SAMD4A: variants seen among roughly 807,000 people sequenced by gnomAD.
SAMD4A encodes sterile alpha motif domain containing 4A.
Under a neutral mutation model 81.3 loss-of-function variants are expected in SAMD4A, and 33 were observed. That is an observed-to-expected ratio of 0.41 (90% CI 0.31 to 0.54). SAMD4A has a LOEUF of 0.54. Ranked by LOEUF, SAMD4A falls within the 20% of genes least tolerant of loss-of-function variation. The pLI is 0.37. For synonymous variants in SAMD4A, 389 were observed against 382.1 expected, an observed-to-expected ratio of 1.02 and a Z score of -0.21; for missense variants, 854 against 951.1, an observed-to-expected ratio of 0.90 and a Z score of 1.34.
intron 2 of SAMD4A, among the ~76,000 whole-genome samples, chr14:54,695,406 C>T (rs767440712): frequency 4.6e-5 from 7 of 152,238 alleles, no homozygotes; most frequent in Non-Finnish European, 7.3e-5. Flanking sequence ...CCTCCCCATA[C>T]AGGTCTCTCC....
chr14:54,728,896 C>T (rs534520398), intron 3 of SAMD4A, among the ~76,000 whole-genome samples: 2 of 152,168 alleles, frequency 1.3e-5, no homozygotes, highest in Non-Finnish European at 2.9e-5. Flanking sequence ...CCTGTCCTTA[C>T]CTGATCAGTG....
At chr14:54,709,937 C>G (rs2036948994) in intron 3 of SAMD4A, among the ~76,000 whole-genome samples, 1 of 152,190 alleles carries the variant, frequency 6.6e-6, no homozygotes, top group South Asian at 2.1e-4. Flanking sequence ...CTCAGTTGCC[C>G]CAAACTGCCT....
At chr14:54,701,266 T>C (rs144605328) in intron 2 of SAMD4A, 21 of 152,354 alleles carry the variant, frequency 1.4e-4, no homozygotes, top group African/African-American at 5.1e-4. Flanking sequence ...CCTCCCAAAG[T>C]GCTGGGATTA....
chr14:54,591,295 G>A (rs918227315), intron 2 of SAMD4A, among the ~76,000 whole-genome samples: 15 of 152,118 alleles, frequency 9.9e-5, no homozygotes, highest in Non-Finnish European at 1.3e-4. Context: ...GGATGTATTC[G>A]TGGTTTTCAC....
chr14:54,578,573 G>A lies in SAMD4A; in HGVS notation c.196+10461G>A, dbSNP rs149123780. On this transcript the variant is annotated intron_variant, in intron 2 of 12. Coordinates refer to ENST00000554335, the MANE Select transcript of SAMD4A (RefSeq NM_015589.6). ...CAAAAATACAAAAAATTAGCTGGGC[G>A]TGGTTGTGTGTGCCTGTAGTCCCAA... Among the ~76,000 whole-genome samples, 30 of 152,136 alleles carry A rather than the reference G, an allele frequency of 2.0e-4. No homozygotes were observed. In the East Asian group the frequency reaches 5.4e-3, roughly 27 times the overall value.
chr14:54,567,944 C>T lies in SAMD4A; in HGVS notation c.28C>T (p.Leu10=), dbSNP rs2140093766. 6.2e-7 allele frequency: 1 copy of T among 1,609,736 alleles called. No individual in the cohort carries two copies. The highest frequency in any genetic ancestry group is 1.1e-5 in the South Asian group (1 of 90,812). Residue 10 remains leucine (L), a synonymous_variant, in exon 2 of 13, where the codon CTG becomes TTG. Coordinates refer to ENST00000554335, the MANE Select transcript of SAMD4A (RefSeq NM_015589.6). MMFRDQVGV[L]AGWFKGWNEC... ...GATGTTTCGCGACCAGGTCGGGGTG[C>T]TGGCGGGCTGGTTTAAGGGCTGGAA...
intron 6 of SAMD4A, among the ~76,000 whole-genome samples, chr14:54,755,458 G>A (rs923159220): frequency 6.6e-5 from 10 of 152,286 alleles, no homozygotes; most frequent in Non-Finnish European, 1.0e-4. Flanking sequence ...GGTCAAGAGC[G>A]TGGACAGGCC....
intron 2 of SAMD4A, among the ~76,000 whole-genome samples, chr14:54,617,586 A>G (rs2034519911): frequency 6.6e-6 from 1 of 152,132 alleles, no homozygotes; most frequent in African/African-American, 2.4e-5. Flanking sequence ...AATGTCTTGT[A>G]TTCCGTGTAC....
chr14:54,719,724 T>A (rs914723196), intron 3 of SAMD4A, among the ~76,000 whole-genome samples: 1 of 152,184 alleles, frequency 6.6e-6, no homozygotes, highest in Admixed American at 6.5e-5. Context: ...CTGTGTGACC[T>A]TGGAGAAATA....
intron 3 of SAMD4A, among the ~76,000 whole-genome samples, chr14:54,731,973 A>G (rs2037568147): frequency 6.6e-6 from 1 of 152,240 alleles, no homozygotes. Flanking sequence ...GACAGCAAAA[A>G]GAAATAATGG....
intron 9 of SAMD4A, among the ~76,000 whole-genome samples, chr14:54,771,959 C>T (rs1463763508): frequency 6.6e-6 from 1 of 152,146 alleles, no homozygotes; most frequent in African/African-American, 2.4e-5. Flanking sequence ...CAAGGTTTGC[C>T]AGGTTGGAGT....
intron 2 of SAMD4A, among the ~76,000 whole-genome samples, chr14:54,661,848 G>A (rs1032998643): frequency 1.3e-5 from 2 of 152,078 alleles, no homozygotes; most frequent in South Asian, 2.1e-4. Flanking sequence ...ACCAGGTGCC[G>A]AATGCTTATC....
chr14:54,775,227 G>A, intron 10 of SAMD4A, 92 bp downstream of exon 10: 1 of 1,392,260 alleles, frequency 7.2e-7, no homozygotes, highest in South Asian at 1.2e-5. Context: ...TGGGGAGAGA[G>A]GCCAAAGGGG....
intron 2 of SAMD4A, 128 bp downstream of exon 2, chr14:54,568,240 C>G (rs1053628155): frequency 1.2e-6 from 1 of 842,212 alleles, no homozygotes; most frequent in Non-Finnish European, 1.7e-6. Flanking sequence ...GGCGTGGCCC[C>G]GAGGCCCTCG....
intron 3 of SAMD4A, among the ~76,000 whole-genome samples, chr14:54,715,668 T>A (rs1380962843): frequency 2.0e-5 from 3 of 152,088 alleles, no homozygotes; most frequent in Non-Finnish European, 4.4e-5. Context: ...ATTAAAAATA[T>A]ATAAAATGAG....
At chr14:54,619,734 A>C (rs148391213) in intron 2 of SAMD4A, among the ~76,000 whole-genome samples, 1 of 152,256 alleles carries the variant, frequency 6.6e-6, no homozygotes, top group East Asian at 1.9e-4. Context: ...AAGTGAGAAC[A>C]TGCGGTATTT....
chr14:54,569,826 A>G (rs567179303), intron 2 of SAMD4A, among the ~76,000 whole-genome samples: 28 of 152,284 alleles, frequency 1.8e-4, no homozygotes, highest in African/African-American at 6.3e-4. Context: ...AGGTTATTCA[A>G]ATGTTGGAGC....
intron 2 of SAMD4A, among the ~76,000 whole-genome samples, chr14:54,669,467 T>TAG (rs2035829457): frequency 1.3e-5 from 2 of 149,112 alleles, no homozygotes; most frequent in African/African-American, 5.0e-5. Flanking sequence ...TTTTTTTTTT[T>TAG]AGAGAGAGAC....
chr14:54,629,934 AT>A (rs1339520029), intron 2 of SAMD4A, among the ~76,000 whole-genome samples: 1 of 152,224 alleles, frequency 6.6e-6, no homozygotes, highest in South Asian at 2.1e-4. Context: ...TACAGGACTT[AT>A]CCCTTTGTGT....
Sources: gnomAD v4.1 joint callset for allele counts (sites outside exome capture counted in the v4.1 genomes callset) on GRCh38, gnomAD v4.1.1 for gene constraint, MANE v1.5 for transcripts, NCBI Gene and HGNC (gene_info 2026-07-23, HGNC 2026-07-21) for gene names.